Variants in CERS6 observed in about 807,000 individuals in gnomAD.
The protein encoded by CERS6 is LAG1 homolog, ceramide synthase 6.
A neutral mutation model predicts 56.8 loss-of-function variants in CERS6; 26 were observed. The observed-to-expected ratio is 0.46, with a 90% confidence interval of 0.34 to 0.63. CERS6 has a LOEUF of 0.63. CERS6 is among the 30% of genes least tolerant of loss of function. CERS6 has a pLI of 0.01. For missense variants in CERS6, 415 were observed against 467.5 expected, an observed-to-expected ratio of 0.89 and a Z score of 1.04; for synonymous variants, 164 against 173.3, an observed-to-expected ratio of 0.95 and a Z score of 0.42.
At chr2:168,524,306 A>AATAAGCAT (rs1284147611) in intron 1 of CERS6, among the ~76,000 whole-genome samples, 90 of 152,334 alleles carry the variant, frequency 5.9e-4, no homozygotes, top group African/African-American at 2.0e-3. Context: ...AATGATGTTT[A>AATAAGCAT]ATAAGCATGC....
At chr2:168,659,842 A>G (rs978444553) in intron 4 of CERS6, among the ~76,000 whole-genome samples, 1 of 152,224 alleles carries the variant, frequency 6.6e-6, no homozygotes, top group African/African-American at 2.4e-5. Flanking sequence ...ACCCAGATGG[A>G]AGAACACATA....
intron 4 of CERS6, among the ~76,000 whole-genome samples, chr2:168,675,643 T>A (rs1559047564): frequency 6.6e-6 from 1 of 151,776 alleles, no homozygotes; most frequent in Non-Finnish European, 1.5e-5. Flanking sequence ...TAATAATAAA[T>A]GTTTTACAAG....
intron 4 of CERS6, among the ~76,000 whole-genome samples, chr2:168,657,604 C>G (rs62174380): frequency 1.3e-5 from 2 of 152,228 alleles, no homozygotes; most frequent in African/African-American, 4.8e-5. Context: ...AGCCAAGGCC[C>G]GGCGAGAAAT....
intron 8 of CERS6, among the ~76,000 whole-genome samples, chr2:168,744,981 G>A (rs187981751): frequency 3.9e-5 from 6 of 152,112 alleles, no homozygotes; most frequent in Admixed American, 1.3e-4. Flanking sequence ...TGTGGCAAGC[G>A]GCATTGCTTT....
chr2:168,730,088 A>T (rs1236527500), intron 8 of CERS6, among the ~76,000 whole-genome samples: 1 of 152,214 alleles, frequency 6.6e-6, no homozygotes, highest in Admixed American at 6.5e-5. Flanking sequence ...TTTCCTTAAG[A>T]TACGGAATCG....
intron 1 of CERS6, among the ~76,000 whole-genome samples, chr2:168,524,422 TCA>T (rs2105358215): frequency 6.6e-6 from 1 of 152,296 alleles, no homozygotes; most frequent in African/African-American, 2.4e-5. Flanking sequence ...GAGCTAAGTC[TCA>T]GTCTTCTCTG....
intron 4 of CERS6, among the ~76,000 whole-genome samples, chr2:168,690,608 G>A (rs1194215204): frequency 1.3e-5 from 2 of 152,098 alleles, no homozygotes; most frequent in African/African-American, 4.8e-5. Flanking sequence ...ATGTCGCTTG[G>A]TAAACATTGA....
chr2:168,508,759 T>C (rs1044962535), intron 1 of CERS6, among the ~76,000 whole-genome samples: 13 of 152,058 alleles, frequency 8.5e-5, no homozygotes, highest in Non-Finnish European at 1.5e-5. Context: ...ATACCTAATG[T>C]AGATGATGGG....
At chr2:168,507,252 C>A (rs1259390990) in intron 1 of CERS6, among the ~76,000 whole-genome samples, 2 of 152,160 alleles carry the variant, frequency 1.3e-5, no homozygotes, top group African/African-American at 2.4e-5. Context: ...ATAATGTCAT[C>A]ATTGTGAACT....
At chr2:168,617,653 A>G (rs1237784064) in intron 3 of CERS6, among the ~76,000 whole-genome samples, 1 of 152,188 alleles carries the variant, frequency 6.6e-6, no homozygotes, top group South Asian at 2.1e-4. Context: ...AAATTCCTGG[A>G]AAGATACAAC....
chr2:168,574,467 G>A (rs1683200837), intron 3 of CERS6, among the ~76,000 whole-genome samples: 1 of 151,680 alleles, frequency 6.6e-6, no homozygotes, highest in Non-Finnish European at 1.5e-5. Flanking sequence ...TGGGAAAACA[G>A]GATCTCTTCC....
chr2:168,713,986 C>G (rs1395431119), intron 6 of CERS6, among the ~76,000 whole-genome samples: 1 of 152,092 alleles, frequency 6.6e-6, no homozygotes, highest in Admixed American at 6.6e-5. Flanking sequence ...ATTTGGAGTC[C>G]TGTAAACAAC....
chr2:168,712,594 G>C (rs537278916), intron 6 of CERS6, among the ~76,000 whole-genome samples: 1 of 152,160 alleles, frequency 6.6e-6, no homozygotes. Flanking sequence ...AAATAGTAGC[G>C]TGATTACTTT....
rs567859891 is a variant in CERS6 at position 168,571,502 on chromosome 2, G to T, written c.407+10180G>T. ...TTTGGACTAAGTAACAGGGTATCAA[G>T]CCATTTCTCAAGTTGGAATGATTTG... is the stretch of plus-strand genomic sequence containing the variant. On this transcript the variant is annotated intron_variant, in intron 3 of 9. Coordinates refer to ENST00000305747, the MANE Select transcript of CERS6 (RefSeq NM_203463.3). Among the ~76,000 whole-genome samples, 16 of 152,172 alleles carry T rather than the reference G, an allele frequency of 1.1e-4. No homozygotes were observed. In the East Asian group the frequency reaches 2.9e-3, roughly 28 times the overall value.
intron 8 of CERS6, among the ~76,000 whole-genome samples, chr2:168,733,804 T>C (rs1683627896): frequency 6.6e-6 from 1 of 152,180 alleles, no homozygotes; most frequent in South Asian, 2.1e-4. Context: ...TGGATTGCAA[T>C]GGACACATGT....
At chr2:168,505,382 CAAAAA>C (rs370477008) in intron 1 of CERS6, among the ~76,000 whole-genome samples, 5,954 of 96,374 alleles carry the variant, frequency 0.062, 244 homozygotes, top group East Asian at 0.22. Flanking sequence ...ACCCTGTTTC[CAAAAA>C]AAAAAAAAAA....
intron 8 of CERS6, among the ~76,000 whole-genome samples, chr2:168,762,715 A>G (rs759244539): frequency 2.6e-5 from 4 of 152,188 alleles, no homozygotes; most frequent in Non-Finnish European, 5.9e-5. Context: ...TATTGTTTTT[A>G]GAATTTTAAC....
At chr2:168,609,949 GGGAGTGAAGACAAAAGATGTGAC>G in intron 3 of CERS6, among the ~76,000 whole-genome samples, 1 of 151,080 alleles carries the variant, frequency 6.6e-6, no homozygotes, top group East Asian at 2.0e-4. Flanking sequence ...GTCACAAGCT[GGGAGTGAAGACAAAAGATGTGAC>G]TGTTTTTTTT....
intron 8 of CERS6, among the ~76,000 whole-genome samples, chr2:168,751,051 A>G (rs1684253125): frequency 6.6e-6 from 1 of 152,192 alleles, no homozygotes; most frequent in South Asian, 2.1e-4. Context: ...GATGCAAAAC[A>G]TAGCTGTGGT....
Sources: gnomAD v4.1 joint callset for allele counts (sites outside exome capture counted in the v4.1 genomes callset) on GRCh38, gnomAD v4.1.1 for gene constraint, MANE v1.5 for transcripts, NCBI Gene and HGNC (gene_info 2026-07-23, HGNC 2026-07-21) for gene names.